Variants in TLL1 observed in about 807,000 individuals in gnomAD.
TLL1 encodes tolloid like 1.
In TLL1, 49 loss-of-function variants were observed where a neutral mutation model predicts 128.2. That is an observed-to-expected ratio of 0.38 (90% CI 0.30 to 0.48). TLL1 has a LOEUF of 0.48. Among genes scored for constraint, TLL1 ranks in the 20% least tolerant of loss-of-function variants. The pLI is 0.96. For missense variants in TLL1, 1,123 were observed against 1,242.0 expected (o/e 0.90, Z 1.44); for synonymous variants, 454 against 418.8 (o/e 1.08, Z -1.03).
chr4:166,063,115 A>G (rs1211447989), intron 15 of TLL1, among the ~76,000 whole-genome samples: 7 of 152,186 alleles, frequency 4.6e-5, no homozygotes, highest in East Asian at 1.9e-4. Flanking sequence ...AATATCCAGA[A>G]TCTACAAAGA....
At chr4:165,889,780 T>A (rs1731314671) in intron 1 of TLL1, among the ~76,000 whole-genome samples, 1 of 152,234 alleles carries the variant, frequency 6.6e-6, no homozygotes, top group African/African-American at 2.4e-5. Flanking sequence ...TTTCAGTTTT[T>A]TGAAAACAAT....
chr4:166,004,492 A>G (rs1316726704), intron 6 of TLL1, among the ~76,000 whole-genome samples: 1 of 152,110 alleles, frequency 6.6e-6, no homozygotes, highest in Non-Finnish European at 1.5e-5. Flanking sequence ...ATATATATAA[A>G]TGATTGCAAG....
intron 1 of TLL1, among the ~76,000 whole-genome samples, chr4:165,978,513 A>G (rs1735993541): frequency 6.6e-6 from 1 of 152,004 alleles, no homozygotes; most frequent in African/African-American, 2.4e-5. Context: ...AAATAATATC[A>G]CCATCACTGC....
rs1742277664 is a variant in TLL1, at chr4:166,101,317, C to T, written c.*441C>T. On this transcript the variant is annotated 3_prime_UTR_variant, in exon 21 of 21. Coordinates refer to ENST00000061240, the MANE Select transcript of TLL1 (RefSeq NM_012464.5). The stretch of plus-strand genomic sequence containing the variant: ...CTTAGGATAATTGCTGACTTTGTAT[C>T]TTGGATACAGTGTAAACCAGATCCA... 1 of 255,976 alleles carries T rather than the reference C, an allele frequency of 3.9e-6. No individual in the cohort carries two copies. Among genetic ancestry groups the T allele is most frequent in the South Asian group, 4.7e-5 (1 of 21,192 alleles). 15.9% of individuals were successfully genotyped at this position (255,976 alleles called of 1,614,324 possible).
chr4:165,986,715 G>A (rs1293881081), intron 1 of TLL1, among the ~76,000 whole-genome samples: 1 of 151,934 alleles, frequency 6.6e-6, no homozygotes, highest in Non-Finnish European at 1.5e-5. Flanking sequence ...CAGAAGTAAT[G>A]TTTTTGCTTC....
chr4:165,957,253 A>G (rs61304779), intron 1 of TLL1, among the ~76,000 whole-genome samples: 1,876 of 152,202 alleles, frequency 0.012, 36 homozygotes, highest in African/African-American at 0.043. Context: ...AGTAAGGACA[A>G]AGAAGGGCAT....
chr4:166,015,255 C>T (rs1397170097), intron 8 of TLL1, among the ~76,000 whole-genome samples: 1 of 151,982 alleles, frequency 6.6e-6, no homozygotes, highest in Non-Finnish European at 1.5e-5. Context: ...TTTAACTTTG[C>T]ATAACACAGT....
At chr4:165,980,892 G>A (rs896135559) in intron 1 of TLL1, among the ~76,000 whole-genome samples, 1 of 152,028 alleles carries the variant, frequency 6.6e-6, no homozygotes, top group Non-Finnish European at 1.5e-5. Context: ...CAATGTCTGA[G>A]TAAAATAAAA....
intron 12 of TLL1, among the ~76,000 whole-genome samples, chr4:166,050,444 T>A (rs1411404544): frequency 6.6e-6 from 1 of 152,214 alleles, no homozygotes; most frequent in Admixed American, 6.5e-5. Flanking sequence ...TTTCAATTCT[T>A]TGGGGTATTT....
At chr4:166,030,602 T>A in intron 9 of TLL1, 1 of 599,868 alleles carries the variant, frequency 1.7e-6, no homozygotes, top group Non-Finnish European at 2.6e-6. Flanking sequence ...ATGAAGTTTT[T>A]ACCCTGTGTT....
chr4:165,993,156 G>A (rs1230798683), intron 3 of TLL1, among the ~76,000 whole-genome samples: 2 of 151,624 alleles, frequency 1.3e-5, no homozygotes, highest in Non-Finnish European at 2.9e-5. Context: ...TTATTTCCAG[G>A]CAATTCAGCA....
chr4:166,037,961 C>T (rs1000500930), intron 9 of TLL1, among the ~76,000 whole-genome samples: 12 of 152,074 alleles, frequency 7.9e-5, no homozygotes, highest in African/African-American at 2.9e-4. Context: ...CTTTGGTGTA[C>T]AGTTTCATCA....
chr4:165,890,255 T>C (rs1278863269), intron 1 of TLL1, among the ~76,000 whole-genome samples: 3 of 152,128 alleles, frequency 2.0e-5, no homozygotes, highest in Admixed American at 6.5e-5. Flanking sequence ...GATTTGGGTG[T>C]GGACACAGCC....
At chr4:166,025,529 G>C in intron 9 of TLL1, 98 bp downstream of exon 9, 1 of 1,007,568 alleles carries the variant, frequency 9.9e-7, no homozygotes, top group Non-Finnish European at 1.5e-6. Flanking sequence ...ATTCTTGTTT[G>C]AGTTTTCAAA....
intron 1 of TLL1, among the ~76,000 whole-genome samples, chr4:165,980,778 T>C (rs1349305684): frequency 6.6e-6 from 1 of 152,130 alleles, no homozygotes; most frequent in Non-Finnish European, 1.5e-5. Flanking sequence ...TTGTTAGTTA[T>C]TAATCTCTAA....
At chr4:166,065,166 T>C (rs191842676) in intron 15 of TLL1, among the ~76,000 whole-genome samples, 1 of 152,258 alleles carries the variant, frequency 6.6e-6, no homozygotes, top group Admixed American at 6.6e-5. Context: ...AGAATTCCTA[T>C]GTGTTTGCAG....
At chr4:165,895,734 G>GAAT (rs1561012159) in intron 1 of TLL1, among the ~76,000 whole-genome samples, 1 of 140,380 alleles carries the variant, frequency 7.1e-6, no homozygotes, top group African/African-American at 2.7e-5. Context: ...CATAAAAGAA[G>GAAT]AAAAAGGTGG....
intron 1 of TLL1, among the ~76,000 whole-genome samples, chr4:165,981,418 T>C (rs1267272860): frequency 1.3e-5 from 2 of 152,094 alleles, no homozygotes; most frequent in African/African-American, 2.4e-5. Context: ...GAGTCCAAGA[T>C]TTACAGAGTT....
At chr4:166,061,028 A>G (rs980529651) in intron 15 of TLL1, among the ~76,000 whole-genome samples, 6 of 152,170 alleles carry the variant, frequency 3.9e-5, no homozygotes, top group African/African-American at 1.4e-4. Flanking sequence ...TCCATCCATA[A>G]AATAAAATTA....
Sources: gnomAD v4.1 joint callset for allele counts (sites outside exome capture counted in the v4.1 genomes callset) on GRCh38, gnomAD v4.1.1 for gene constraint, MANE v1.5 for transcripts, NCBI Gene and HGNC (gene_info 2026-07-23, HGNC 2026-07-21) for gene names.